ESR1: variants seen among roughly 807,000 people sequenced by gnomAD.
ESR1 encodes estrogen receptor.
Under a neutral mutation model 52.7 loss-of-function variants are expected in ESR1, and 12 were observed. The ratio of observed to expected loss-of-function variants is 0.23; its 90% CI spans 0.15 to 0.37. The LOEUF (loss-of-function observed/expected upper bound fraction) is 0.37, where lower values mean the gene tolerates loss of function less well. ESR1 is among the 10% of genes least tolerant of loss of function. The pLI is 1.00. For missense variants in ESR1, 584 were observed against 779.7 expected, an observed-to-expected ratio of 0.75 and a Z score of 2.99; for synonymous variants, 305 against 316.8, an observed-to-expected ratio of 0.96 and a Z score of 0.39.
At chr6:151,985,499 C>A in intron 4 of ESR1, among the ~76,000 whole-genome samples, 1 of 88,030 alleles carries the variant, frequency 1.1e-5, no homozygotes, top group Non-Finnish European at 2.1e-5. Context: ...CAGAGTGAGA[C>A]TCTGTCTCAA....
chr6:151,802,779 A>G (rs1363178585), upstream of ESR1, among the ~76,000 whole-genome samples: 1 of 152,186 alleles, frequency 6.6e-6, no homozygotes, highest in Non-Finnish European at 1.5e-5. Context: ...ACCTGTGGTC[A>G]GGAGTTCAGG....
chr6:151,834,009 C>T (rs1039176370), intron 1 of ESR1, among the ~76,000 whole-genome samples: 6 of 152,116 alleles, frequency 3.9e-5, no homozygotes, highest in African/African-American at 1.4e-4. Context: ...TACCATCTCA[C>T]GCCAGTTAGA....
intron 2 of ESR1, among the ~76,000 whole-genome samples, chr6:151,789,006 A>C (rs920368662): frequency 1.3e-5 from 2 of 152,174 alleles, no homozygotes; most frequent in African/African-American, 4.8e-5. Context: ...AATGGGTACT[A>C]GGCTTAATAC....
intron 5 of ESR1, among the ~76,000 whole-genome samples, chr6:152,017,799 A>G (rs1484940676): frequency 2.0e-5 from 3 of 152,076 alleles, no homozygotes; most frequent in Non-Finnish European, 4.4e-5. Flanking sequence ...AACAATGTAA[A>G]TTGCCTGTTT....
At chr6:152,115,939 AATTTAATTGGTTTG>A (rs1484396389) in intron 6 of ESR1, among the ~76,000 whole-genome samples, 5 of 152,164 alleles carry the variant, frequency 3.3e-5, no homozygotes, top group Non-Finnish European at 7.3e-5. Context: ...CCCAGCTACC[AATTTAATTGGTTTG>A]GGGTATGGCC....
intron 5 of ESR1, among the ~76,000 whole-genome samples, chr6:152,041,940 C>G (rs979111371): frequency 6.6e-6 from 1 of 152,178 alleles, no homozygotes; most frequent in Non-Finnish European, 1.5e-5. Flanking sequence ...GGTCCAGCAG[C>G]TGCAATTGGA....
chr6:151,762,463 A>G (rs1346867432), intron 2 of ESR1, among the ~76,000 whole-genome samples: 1 of 152,126 alleles, frequency 6.6e-6, no homozygotes, highest in East Asian at 1.9e-4. Flanking sequence ...GGTTGCTGTC[A>G]CCTTTAAGGG....
chr6:152,042,870 C>T (rs2045922460), intron 5 of ESR1, among the ~76,000 whole-genome samples: 1 of 152,194 alleles, frequency 6.6e-6, no homozygotes, highest in Non-Finnish European at 1.5e-5. Context: ...TAATTGCACC[C>T]ACCTTGCCTT....
chr6:151,837,918 C>G (rs1363680272), intron 1 of ESR1, among the ~76,000 whole-genome samples: 2 of 152,098 alleles, frequency 1.3e-5, no homozygotes, highest in Non-Finnish European at 2.9e-5. Context: ...TGTGAAGTCT[C>G]CCCTTAGGAA....
chr6:151,692,463 GA>G (rs1185320225), intron 1 of ESR1, among the ~76,000 whole-genome samples: 1 of 151,978 alleles, frequency 6.6e-6, no homozygotes, highest in African/African-American at 2.4e-5. Context: ...TGGCTATTCG[GA>G]AAAAAGGGCA....
At chr6:151,864,159 A>T (rs1025859812) in intron 2 of ESR1, among the ~76,000 whole-genome samples, 1 of 152,188 alleles carries the variant, frequency 6.6e-6, no homozygotes, top group African/African-American at 2.4e-5. Flanking sequence ...CAGGCAACCT[A>T]CAGAATGGGA....
At chr6:151,794,620 G>A (rs1048357203) in intron 2 of ESR1, among the ~76,000 whole-genome samples, 10 of 152,014 alleles carry the variant, frequency 6.6e-5, no homozygotes, top group African/African-American at 2.2e-4. Context: ...ACTATACAAT[G>A]TCTCAGTGGG....
At chr6:152,028,924 G>T (rs1417627450) in intron 5 of ESR1, among the ~76,000 whole-genome samples, 2 of 152,134 alleles carry the variant, frequency 1.3e-5, no homozygotes, top group African/African-American at 4.8e-5. Flanking sequence ...ACATGGCCGG[G>T]TACTCCTCTG....
intron 6 of ESR1, among the ~76,000 whole-genome samples, chr6:152,123,166 AAC>A (rs1237353945): frequency 6.6e-6 from 1 of 152,190 alleles, no homozygotes; most frequent in Non-Finnish European, 1.5e-5. Flanking sequence ...CAAAAATAAA[AAC>A]AGTCTTTGTC....
intron 5 of ESR1, among the ~76,000 whole-genome samples, chr6:152,022,822 T>A (rs3020415): frequency 0.44 from 66,088 of 150,762 alleles, 16,326 homozygotes; most frequent in African/African-American, 0.67. Flanking sequence ...AAATAAAAAT[T>A]AAAAATTAGC....
At chr6:151,814,766 A>G (rs1235954816) in intron 1 of ESR1, among the ~76,000 whole-genome samples, 1 of 152,234 alleles carries the variant, frequency 6.6e-6, no homozygotes, top group East Asian at 1.9e-4. Flanking sequence ...GGCTTAGACT[A>G]TATAAAGTGT....
chr6:151,963,283 T>A (rs961987477), intron 4 of ESR1, among the ~76,000 whole-genome samples: 2 of 152,228 alleles, frequency 1.3e-5, no homozygotes, highest in African/African-American at 4.8e-5. Flanking sequence ...TTTCTCCAGA[T>A]CTATAATTTT....
At chr6:151,813,108 G>A (rs1779072765) in intron 1 of ESR1, among the ~76,000 whole-genome samples, 1 of 152,090 alleles carries the variant, frequency 6.6e-6, no homozygotes, top group Non-Finnish European at 1.5e-5. Context: ...CATGAGGGAA[G>A]AAACCATAAT....
intron 3 of ESR1, among the ~76,000 whole-genome samples, chr6:151,939,337 TG>T (rs2128507889): frequency 6.6e-6 from 1 of 152,302 alleles, no homozygotes; most frequent in Admixed American, 6.5e-5. Context: ...GTTAGACAGT[TG>T]GGGGGTGAAC....
Sources: gnomAD v4.1 joint callset for allele counts (sites outside exome capture counted in the v4.1 genomes callset) on GRCh38, gnomAD v4.1.1 for gene constraint, MANE v1.5 for transcripts, NCBI Gene and HGNC (gene_info 2026-07-23, HGNC 2026-07-21) for gene names.